The following WWOX variants were observed in gnomAD, a reference collection of about 807,000 sequenced individuals.
WWOX encodes WW domain-containing oxidoreductase.
In WWOX, 69 loss-of-function variants were observed where a neutral mutation model predicts 46.2. The ratio of observed to expected loss-of-function variants is 1.49; its 90% CI spans 1.23 to 1.82. The LOEUF (loss-of-function observed/expected upper bound fraction) is 1.82. WWOX is among the 40% of genes most tolerant of loss of function. The pLI is 0.00. For synonymous variants in WWOX, 359 were observed against 202.6 expected, an observed-to-expected ratio of 1.77 and a Z score of -6.56; for missense variants, 919 against 542.6, an observed-to-expected ratio of 1.69 and a Z score of -6.89.
intron 8 of WWOX, among the ~76,000 whole-genome samples, chr16:78,654,031 A>G (rs147996753): frequency 6.6e-6 from 1 of 152,198 alleles, no homozygotes; most frequent in Non-Finnish European, 1.5e-5. Context: ...GGGAACCCCA[A>G]CTATTGCAGA....
chr16:78,718,726 C>T (rs1306990407), intron 8 of WWOX, among the ~76,000 whole-genome samples: 1 of 151,892 alleles, frequency 6.6e-6, no homozygotes, highest in Non-Finnish European at 1.5e-5. Context: ...AGGAGAGTTC[C>T]AATGTTTCTG....
chr16:78,528,270 T>C (rs374084594), intron 8 of WWOX, among the ~76,000 whole-genome samples: 2 of 144,980 alleles, frequency 1.4e-5, no homozygotes, highest in African/African-American at 5.1e-5. Context: ...CACCTCGGCC[T>C]CACAAAGTGC....
At chr16:78,944,707 G>A (rs1418192248) in intron 8 of WWOX, among the ~76,000 whole-genome samples, 1 of 152,094 alleles carries the variant, frequency 6.6e-6, no homozygotes, top group Non-Finnish European at 1.5e-5. Context: ...TCCTGCAAAA[G>A]CCAACTTGAG....
intron 6 of WWOX, among the ~76,000 whole-genome samples, chr16:78,415,303 T>C (rs2082773129): frequency 6.6e-6 from 1 of 152,090 alleles, no homozygotes; most frequent in Non-Finnish European, 1.5e-5. Flanking sequence ...AATGGATTCA[T>C]ATTAGGGTAT....
chr16:79,200,201 AG>A (rs2051319365), intron 8 of WWOX, among the ~76,000 whole-genome samples: 1 of 152,150 alleles, frequency 6.6e-6, no homozygotes, highest in Admixed American at 6.5e-5. Flanking sequence ...GTGGGAAGCC[AG>A]GGTTTTAGGC....
chr16:78,778,988 A>G (rs956633864), intron 8 of WWOX, among the ~76,000 whole-genome samples: 1 of 152,112 alleles, frequency 6.6e-6, no homozygotes, highest in African/African-American at 2.4e-5. Flanking sequence ...TCTGATCTCC[A>G]TCTATTTCAG....
In WWOX at chr16:78,263,635, G is replaced by C. The variant is rs12920033; in HGVS notation, c.516+99346G>C. Among the ~76,000 whole-genome samples the C allele has an allele frequency of 2.4e-3, 356 of 151,164 alleles. 2 individuals are homozygous for C. Among genetic ancestry groups the C allele is most frequent in the African/African-American group, 7.1e-3 (294 of 41,484 alleles). ...CTGTCAACAGAGAGAAAGAGAGAGA[G>C]AGAAAGAAAAGAAAGAAGTGCCACC... On this transcript the variant is annotated intron_variant, in intron 5 of 8. Coordinates refer to ENST00000566780, the MANE Select transcript of WWOX (RefSeq NM_016373.4).
chr16:79,125,997 C>A (rs1000076896), intron 8 of WWOX, among the ~76,000 whole-genome samples: 1 of 152,186 alleles, frequency 6.6e-6, no homozygotes, highest in African/African-American at 2.4e-5. Flanking sequence ...TACATACATA[C>A]AGTAGGTGCT....
chr16:79,141,193 A>G (rs1166999959), intron 8 of WWOX, among the ~76,000 whole-genome samples: 2 of 152,184 alleles, frequency 1.3e-5, no homozygotes, highest in Non-Finnish European at 2.9e-5. Flanking sequence ...GAATGCAAAC[A>G]TTTGTCTCTT....
At chr16:78,777,785 G>T (rs536778217) in intron 8 of WWOX, among the ~76,000 whole-genome samples, 1 of 152,218 alleles carries the variant, frequency 6.6e-6, no homozygotes, top group African/African-American at 2.4e-5. Context: ...GGTGGCTCAC[G>T]CCTGTAATCC....
chr16:78,564,163 A>C (rs1289955208), intron 8 of WWOX, among the ~76,000 whole-genome samples: 4 of 152,258 alleles, frequency 2.6e-5, no homozygotes, highest in Non-Finnish European at 5.9e-5. Flanking sequence ...TTGCTGACTC[A>C]TGCAATCTTG....
intron 8 of WWOX, among the ~76,000 whole-genome samples, chr16:78,760,279 C>G (rs541203087): frequency 6.6e-6 from 1 of 152,164 alleles, no homozygotes. Flanking sequence ...AGAAATCGAT[C>G]CTGTGATTCA....
intron 5 of WWOX, among the ~76,000 whole-genome samples, chr16:78,365,040 G>C (rs74775056): frequency 0.024 from 3,621 of 152,242 alleles, 147 homozygotes; most frequent in African/African-American, 0.083. Flanking sequence ...CTTTGGGGCC[G>C]GTTAGACTTG....
chr16:78,659,629 C>G (rs146962121), intron 8 of WWOX, among the ~76,000 whole-genome samples: 24 of 152,320 alleles, frequency 1.6e-4, no homozygotes, highest in African/African-American at 4.1e-4. Flanking sequence ...TACTACTCAT[C>G]TCTGCCTCCA....
At chr16:78,482,609 A>C (rs1352131808) in intron 8 of WWOX, among the ~76,000 whole-genome samples, 2 of 152,158 alleles carry the variant, frequency 1.3e-5, no homozygotes, top group Non-Finnish European at 2.9e-5. Flanking sequence ...TGTGATTTCT[A>C]ATTTCCTGAC....
Position 78,314,405 on chromosome 16 carries a change from CAAAAA to C in WWOX, c.517-72441_517-72437del, listed in dbSNP as rs56032982. On this transcript the variant is annotated intron_variant, in intron 5 of 8. Transcript: ENST00000566780. ...TGAGCAACAGAGTGAGACTCTGTCT[CAAAAA>C]AAAAAAAAAAAAAGTACAGGACATA... Among the ~76,000 whole-genome samples, 17 of 101,504 alleles carry C rather than the reference CAAAAA, an allele frequency of 1.7e-4. 1 individual carries two copies. The highest frequency in any genetic ancestry group is 4.7e-4 in the African/African-American group (13 of 27,830). 66.6% of individuals were successfully genotyped at this position (101,504 alleles called of 152,430 possible). A position where few individuals can be genotyped will look rare whatever the true frequency, so the allele number is the denominator to read the frequency against.
chr16:78,246,032 G>A (rs1009263509), intron 5 of WWOX, among the ~76,000 whole-genome samples: 3 of 152,124 alleles, frequency 2.0e-5, no homozygotes, highest in Non-Finnish European at 4.4e-5. Context: ...AAGGCTCCAC[G>A]CTTTAGCACA....
chr16:78,370,033 G>A (rs1277488529), intron 5 of WWOX, among the ~76,000 whole-genome samples: 1 of 146,874 alleles, frequency 6.8e-6, no homozygotes, highest in East Asian at 2.0e-4. Context: ...CTGGGAGGCT[G>A]AAGCATCAGA....
chr16:78,229,258 G>GAA lies in WWOX; in HGVS notation c.516+64978_516+64979dup, dbSNP rs11448507. On this transcript the variant is annotated intron_variant, in intron 5 of 8. Coordinates refer to ENST00000566780, the MANE Select transcript of WWOX (RefSeq NM_016373.4). ...CCTTTTTGAAGTATATACAAGAAAT[G>GAA]AAAAAAAAAACAGGAATAAATAAAA... Among the ~76,000 whole-genome samples the GAA allele has an allele frequency of 6.1e-3, 884 of 145,322 alleles. 5 individuals carry two copies. The highest frequency in any genetic ancestry group is 0.017 in the African/African-American group (667 of 39,538).
Sources: gnomAD v4.1 joint callset for allele counts (sites outside exome capture counted in the v4.1 genomes callset) on GRCh38, gnomAD v4.1.1 for gene constraint, MANE v1.5 for transcripts, NCBI Gene and HGNC (gene_info 2026-07-23, HGNC 2026-07-21) for gene names.